The following UTP20 variants were observed in gnomAD, a reference collection of about 807,000 sequenced individuals.
The protein encoded by UTP20 is UTP20 small subunit processome component.
UTP20 carries 164 observed loss-of-function variants against 329.5 expected under a neutral mutation model. That is an observed-to-expected ratio of 0.50 (90% CI 0.44 to 0.57). UTP20 has a LOEUF of 0.57. Ranked by LOEUF, UTP20 falls within the 20% of genes least tolerant of loss-of-function variation. The pLI, the probability that UTP20 is intolerant of heterozygous loss-of-function variation, is 0.00. For synonymous variants in UTP20, 1,151 were observed against 1,159.3 expected, an observed-to-expected ratio of 0.99 and a Z score of 0.14; for missense variants, 3,055 against 3,284.2, an observed-to-expected ratio of 0.93 and a Z score of 1.71.
At chr12:101,331,891 T>G (rs6538984) in intron 27 of UTP20, among the ~76,000 whole-genome samples, 86,996 of 151,122 alleles carry the variant, frequency 0.58, 27,564 homozygotes, top group East Asian at 0.94. Flanking sequence ...CATTTGTTTT[T>G]TTTTTTTTTT....
Position 101,386,047 on chromosome 12 carries a change from TA to T in UTP20, c.8283del (p.Ile2761MetfsTer18), listed in dbSNP as rs765598073. On this transcript the variant is annotated frameshift_variant, in exon 62 of 62. Coordinates refer to ENST00000261637, the MANE Select transcript of UTP20 (RefSeq NM_014503.3). LOFTEE classifies it high-confidence loss of function. Reference sequence around the variant, plus strand: ...AAAAGTGAAGCAAAGAAGAGAAAGATAGAGTTCCTGCGTCCAGGATATAAGG... The same window carrying T: ...AAAAGTGAAGCAAAGAAGAGAAAGATGAGTTCCTGCGTCCAGGATATAAGG... Reference protein sequence around the residue: ...KNKSEAKKRKIEFLRPGYKAK... With the variant: ...KNKSEAKKRKXEFLRPGYKAK... The T allele has an allele frequency of 6.2e-7, 1 of 1,609,874 alleles. No individual in the cohort carries two copies. Among genetic ancestry groups the T allele is most frequent in the South Asian group, 1.1e-5 (1 of 90,078 alleles).
chr12:101,320,699 G>A (rs1873122093), intron 23 of UTP20, among the ~76,000 whole-genome samples, 153 bp from the exon 24 acceptor site: 1 of 152,052 alleles, frequency 6.6e-6, no homozygotes, highest in South Asian at 2.1e-4. Context: ...TTACTTCCAG[G>A]AAAATGTGAA....
At chr12:101,287,364 A>T (rs924834271) in intron 5 of UTP20, among the ~76,000 whole-genome samples, 1 of 152,386 alleles carries the variant, frequency 6.6e-6, no homozygotes, top group African/African-American at 2.4e-5. Context: ...TAAACAACCA[A>T]CAAGGTCTTT....
chr12:101,352,564 A>G (rs935392942), intron 39 of UTP20, among the ~76,000 whole-genome samples: 105 of 151,622 alleles, frequency 6.9e-4, no homozygotes, highest in African/African-American at 2.5e-3. Context: ...TCGCAAGAAC[A>G]AAAAACCAAA....
At chr12:101,365,149 T>C (rs1000243565) in intron 45 of UTP20, among the ~76,000 whole-genome samples, 5 of 150,064 alleles carry the variant, frequency 3.3e-5, no homozygotes, top group African/African-American at 1.2e-4. Flanking sequence ...ACCAGGAGAG[T>C]TGATGTTAAC....
chr12:101,368,966 A>T (rs1341519923), intron 48 of UTP20, among the ~76,000 whole-genome samples: 1 of 152,222 alleles, frequency 6.6e-6, no homozygotes, highest in Non-Finnish European at 1.5e-5. Context: ...ATGGAGCTGA[A>T]CTAGCTGATC....
Position 101,346,485 on chromosome 12 carries a change from C to G in UTP20, c.4781C>G (p.Ala1594Gly), listed in dbSNP as rs766850977. The change falls in exon 38 of 62, where the codon GCA (alanine) becomes GGA (glycine). Residue 1594 changes from alanine to glycine, a missense_variant. By Grantham distance (60) the Ala-to-Gly change is moderately conservative. Around this residue, in one of 3 missense-constraint regions of UTP20, gnomAD observed 2,445 missense variants for 2,575.5 expected, o/e 0.95. Transcript: ENST00000261637. The part of the protein sequence containing the change: ...HRRARALKKL[A>G]KQLMEGKVVL... ...AGAGCAAGAGCCTTGAAGAAACTTGCAAAACAACTAATGGAAGGCAAAGTT... is the reference window on the plus strand; with the variant it reads ...AGAGCAAGAGCCTTGAAGAAACTTGGAAAACAACTAATGGAAGGCAAAGTT... 5.6e-6 allele frequency: 9 copies of G among 1,608,718 alleles called. No homozygotes were observed. The highest frequency in any genetic ancestry group is 6.8e-6 in the Non-Finnish European group (8 of 1,178,056).
At chr12:101,305,778 C>A in intron 15 of UTP20, 137 bp from the exon 16 acceptor site, 2 of 977,970 alleles carry the variant, frequency 2.0e-6, no homozygotes, top group Non-Finnish European at 1.4e-6. Flanking sequence ...ATGAAGTGAG[C>A]CAGATATCCA....
In UTP20 at chr12:101,319,584, A is replaced by C; in HGVS notation, c.2778A>C (p.Ser926=). 2 of 1,608,402 alleles carry C rather than the reference A, an allele frequency of 1.2e-6. No homozygotes were observed. Among genetic ancestry groups the C allele is most frequent in the South Asian group, 2.2e-5 (2 of 89,668 alleles). The change falls in exon 23 of 62, where the codon TCA becomes TCC. Residue 926 remains serine, a synonymous_variant. Coordinates refer to ENST00000261637, the MANE Select transcript of UTP20 (RefSeq NM_014503.3). ...ATTTGCAAGTTTTCTCTAAATTTTC[A>C]AATCCACGGGCCTTATATCTGGAAT... ...IAHLQVFSKF[S]NPRALYLESK...
At chr12:101,379,029 G>T (rs1353201089) in intron 56 of UTP20, among the ~76,000 whole-genome samples, 1 of 152,150 alleles carries the variant, frequency 6.6e-6, no homozygotes, top group Non-Finnish European at 1.5e-5. Flanking sequence ...TCCAATTGGG[G>T]TAATGAGAAT....
At chr12:101,328,418 G>A (rs1024532596) in intron 26 of UTP20, among the ~76,000 whole-genome samples, 33 of 152,142 alleles carry the variant, frequency 2.2e-4, no homozygotes, top group Admixed American at 6.5e-5. Flanking sequence ...CTGTTTATAA[G>A]GGACTCTGAT....
chr12:101,296,883 A>G (rs538012580), intron 12 of UTP20, among the ~76,000 whole-genome samples: 5 of 152,266 alleles, frequency 3.3e-5, no homozygotes, highest in Non-Finnish European at 7.3e-5. Context: ...AAGCTTATTT[A>G]CATACATGAG....
rs747180221 is a variant in UTP20, at chr12:101,338,051, A to T, written c.3642A>T (p.Arg1214Ser). Reference sequence around the variant, plus strand: ...ATTACTACAATGTTTTTTCTTCCAGATATTTCCCTTTGCTGGCTAAACAGA... The same window carrying T: ...ATTACTACAATGTTTTTTCTTCCAGTTATTTCCCTTTGCTGGCTAAACAGA... Reference protein sequence around the residue: ...KLISIWSRNARYFPLLAKQKP... With the variant: ...KLISIWSRNASYFPLLAKQKP... The change falls in exon 30 of 62, where the codon AGA (arginine) becomes AGT (serine). Residue 1214 changes from arginine to serine, a missense_variant and splice_region_variant. Physicochemically the swap from Arg to Ser is moderately radical, Grantham distance 110 (BLOSUM62 -1). Around this residue, in one of 3 missense-constraint regions of UTP20, gnomAD observed 2,445 missense variants for 2,575.5 expected, o/e 0.95. Transcript: ENST00000261637. 1 of 1,613,962 alleles carries T rather than the reference A, an allele frequency of 6.2e-7. No individual in the cohort carries two copies. The highest frequency in any genetic ancestry group is 1.7e-5 in the Admixed American group (1 of 59,990).
intron 51 of UTP20, among the ~76,000 whole-genome samples, chr12:101,372,546 A>G (rs1870328337): frequency 6.6e-6 from 1 of 152,246 alleles, no homozygotes; most frequent in Non-Finnish European, 1.5e-5. Context: ...ATTGGACCAC[A>G]GTCCATACTG....
intron 40 of UTP20, among the ~76,000 whole-genome samples, chr12:101,353,811 TA>T (rs1479328928): frequency 6.6e-6 from 1 of 152,230 alleles, no homozygotes; most frequent in Non-Finnish European, 1.5e-5. Flanking sequence ...TACTAGGAAT[TA>T]AAAAGCGTCA....
At position 101,321,537 on chromosome 12, in the gene UTP20, C is replaced by T. The variant is rs144712530; in HGVS notation, c.2949C>T (p.Ser983=). The part of the protein sequence containing the change: ...ENLQRLLEDR[S]FKEEIVHFSI... ...TACAAAGGTTGCTTGAAGACAGAAG[C>T]TTTAAGGAAGAGATAGTGCATTTTA... Residue 983 remains serine (S), a synonymous_variant, in exon 25 of 62, where the codon AGC becomes AGT. Coordinates refer to ENST00000261637, the MANE Select transcript of UTP20 (RefSeq NM_014503.3). The T allele has an allele frequency of 1.5e-5, 25 of 1,613,402 alleles. No individual in the cohort carries two copies. Among genetic ancestry groups the T allele is most frequent in the Non-Finnish European group, 2.1e-5 (25 of 1,179,680 alleles).
chr12:101,309,941 G>C (rs1872734590), intron 19 of UTP20, 102 bp downstream of exon 19: 2 of 1,007,134 alleles, frequency 2.0e-6, no homozygotes, highest in Admixed American at 2.0e-5. Flanking sequence ...ATGAATGGGT[G>C]TATATGGTAT....
At chr12:101,280,682 G>C (rs1871766924) in intron 1 of UTP20, among the ~76,000 whole-genome samples, 1 of 152,166 alleles carries the variant, frequency 6.6e-6, no homozygotes, top group Admixed American at 6.5e-5. Context: ...TCCCAGCTAA[G>C]GGCAAATATA....
intron 12 of UTP20, among the ~76,000 whole-genome samples, chr12:101,298,129 G>A (rs1198123633): frequency 6.6e-6 from 1 of 152,162 alleles, no homozygotes; most frequent in Admixed American, 6.5e-5. Flanking sequence ...CTCTTTAGGA[G>A]ATAAACTTAC....
Sources: allele counts gnomAD v4.1 joint callset (sites outside exome capture counted in the v4.1 genomes callset), GRCh38; gene constraint gnomAD v4.1.1; regional missense constraint gnomAD v4.1.1; transcripts MANE v1.5; gene names NCBI Gene and HGNC (gene_info 2026-07-23, HGNC 2026-07-21).